The following LRFN5 variants were observed in gnomAD, a reference collection of about 807,000 sequenced individuals.
LRFN5 encodes leucine-rich repeat and fibronectin type-III domain-containing protein 5.
A neutral mutation model predicts 45.6 loss-of-function variants in LRFN5; 24 were observed. The ratio of observed to expected loss-of-function variants is 0.53; its 90% CI spans 0.38 to 0.74. The LOEUF is 0.74. LRFN5 is among the 30% of genes least tolerant of loss of function. The probability of loss-of-function intolerance (pLI) is 0.00; values close to 1 mark genes in which losing one functional copy is unlikely to be tolerated. For synonymous variants in LRFN5, 340 were observed against 313.8 expected (o/e 1.08, Z -0.88); for missense variants, 776 against 861.5 (o/e 0.90, Z 1.24).
intron 2 of LRFN5, among the ~76,000 whole-genome samples, chr14:41,847,595 T>A (rs1361422603): frequency 6.6e-6 from 1 of 152,116 alleles, no homozygotes; most frequent in African/African-American, 2.4e-5. Flanking sequence ...CACTATATTT[T>A]AATCGTTTGA....
In LRFN5 at chr14:41,637,324, A is replaced by G. The variant is rs536521647; in HGVS notation, c.-197+28762A>G. On this transcript the variant is annotated intron_variant, in intron 1 of 5. Coordinates refer to ENST00000298119, the MANE Select transcript of LRFN5 (RefSeq NM_152447.5). ...CCAATTACATGGTTTTCAGCTTGGTATGTTCAAATATATCATTTTAATTTA... is the reference window on the plus strand; with the variant it reads ...CCAATTACATGGTTTTCAGCTTGGTGTGTTCAAATATATCATTTTAATTTA... Among the ~76,000 whole-genome samples, 23 of 152,216 alleles carry G rather than the reference A, an allele frequency of 1.5e-4. No individual in the cohort carries two copies. In the South Asian group the frequency reaches 4.8e-3, roughly 32 times the overall value.
At chr14:41,791,463 A>G (rs142821502) in intron 2 of LRFN5, among the ~76,000 whole-genome samples, 4 of 152,048 alleles carry the variant, frequency 2.6e-5, no homozygotes, top group African/African-American at 9.7e-5. Flanking sequence ...AATAGGCAGT[A>G]ATAGGTAACA....
intron 2 of LRFN5, 93 bp from the exon 3 acceptor site, chr14:41,886,508 CTCTAT>C: frequency 1.2e-6 from 1 of 806,052 alleles, no homozygotes; most frequent in Middle Eastern, 3.7e-4. Context: ...GAAATTATTT[CTCTAT>C]TCTAGATTGC....
At chr14:41,778,569 T>C (rs1212837908) in intron 2 of LRFN5, among the ~76,000 whole-genome samples, 1 of 151,762 alleles carries the variant, frequency 6.6e-6, no homozygotes, top group Non-Finnish European at 1.5e-5. Flanking sequence ...TATTGTGCTA[T>C]TATTTTTGTA....
chr14:41,687,472 C>A (rs1882172669), intron 1 of LRFN5, among the ~76,000 whole-genome samples: 2 of 152,184 alleles, frequency 1.3e-5, no homozygotes, highest in African/African-American at 2.4e-5. Flanking sequence ...TTTGATCCAG[C>A]AATCTCATTA....
At chr14:41,738,938 A>C (rs1884567298) in intron 1 of LRFN5, among the ~76,000 whole-genome samples, 1 of 152,248 alleles carries the variant, frequency 6.6e-6, no homozygotes. Flanking sequence ...TTCATCTAAC[A>C]GCAGTGAAAT....
In LRFN5 at chr14:41,715,627, C is replaced by T. The variant is rs138461740; in HGVS notation, c.-196-51227C>T. 1.8e-3 allele frequency among the ~76,000 whole-genome samples: 279 copies of T among 152,298 alleles called. 1 individual carries two copies. Among genetic ancestry groups the T allele is most frequent in the African/African-American group, 5.7e-3 (236 of 41,564 alleles). ...TTATAAGGAAAATAAGTTTATTCAG[C>T]TCACATTTCTGGAGGTTGGGAAGTA... is the stretch of plus-strand genomic sequence containing the variant. On this transcript the variant is annotated intron_variant, in intron 1 of 5. Coordinates refer to ENST00000298119, the MANE Select transcript of LRFN5 (RefSeq NM_152447.5).
intron 2 of LRFN5, among the ~76,000 whole-genome samples, chr14:41,800,899 G>GA (rs1417343193): frequency 6.6e-6 from 1 of 151,826 alleles, no homozygotes; most frequent in African/African-American, 2.4e-5. Flanking sequence ...GGGCCATCAA[G>GA]AAAAATATGT....
chr14:41,807,557 G>A (rs1005292890), intron 2 of LRFN5, among the ~76,000 whole-genome samples: 1 of 152,108 alleles, frequency 6.6e-6, no homozygotes, highest in Non-Finnish European at 1.5e-5. Flanking sequence ...TGAAATCTGA[G>A]TAAATGAGAT....
chr14:41,850,010 A>G (rs1349890871), intron 2 of LRFN5, among the ~76,000 whole-genome samples: 4 of 151,904 alleles, frequency 2.6e-5, no homozygotes, highest in Non-Finnish European at 5.9e-5. Context: ...AAGGGTTAGA[A>G]TAGAAACAAT....
chr14:41,825,954 C>T (rs892067727), intron 2 of LRFN5, among the ~76,000 whole-genome samples: 4 of 152,196 alleles, frequency 2.6e-5, no homozygotes, highest in Admixed American at 6.5e-5. Context: ...CTTCAGTGTT[C>T]CTTCTCTGCT....
chr14:41,649,522 G>T (rs574236420), intron 1 of LRFN5, among the ~76,000 whole-genome samples: 1 of 152,122 alleles, frequency 6.6e-6, no homozygotes, highest in South Asian at 2.1e-4. Context: ...CTTGAGTCAG[G>T]CTTCTGAATC....
intron 1 of LRFN5, among the ~76,000 whole-genome samples, chr14:41,705,613 TTTC>T (rs1263517028): frequency 3.9e-5 from 6 of 152,116 alleles, no homozygotes; most frequent in Non-Finnish European, 5.9e-5. Context: ...TTCTTTTCTT[TTTC>T]TTCTTTGTCC....
chr14:41,699,824 A>G (rs1882764710), intron 1 of LRFN5: 1 of 152,254 alleles, frequency 6.6e-6, no homozygotes, highest in Admixed American at 6.5e-5. Context: ...ACTGAAGGAA[A>G]TACAATAACA....
chr14:41,835,965 C>G (rs962386498), intron 2 of LRFN5, among the ~76,000 whole-genome samples: 1 of 148,908 alleles, frequency 6.7e-6, no homozygotes, highest in African/African-American at 2.5e-5. Context: ...ATGTGGCTTT[C>G]AATTATCCTC....
intron 1 of LRFN5, among the ~76,000 whole-genome samples, chr14:41,752,019 G>GT (rs1324926027): frequency 1.3e-5 from 2 of 152,012 alleles, no homozygotes; most frequent in Admixed American, 6.6e-5. Flanking sequence ...GCAGTGTTTG[G>GT]TTTTTTGTCC....
chr14:41,883,082 C>A (rs572665603), intron 2 of LRFN5, among the ~76,000 whole-genome samples: 2 of 151,908 alleles, frequency 1.3e-5, no homozygotes, highest in East Asian at 3.9e-4. Context: ...CTCCTGACCA[C>A]GTAATCTGTC....
chr14:41,804,557 G>A (rs1887453164), intron 2 of LRFN5, among the ~76,000 whole-genome samples: 1 of 152,050 alleles, frequency 6.6e-6, no homozygotes, highest in African/African-American at 2.4e-5. Flanking sequence ...TCCTAACCTG[G>A]TGGTCTTTCA....
chr14:41,894,765 T>G (rs1890886357), intron 4 of LRFN5: 1 of 983,336 alleles, frequency 1.0e-6, no homozygotes, highest in Non-Finnish European at 1.2e-6. Context: ...GAGTAAGGTG[T>G]GGAAATAAGA....
Sources: gnomAD v4.1 joint callset for allele counts (sites outside exome capture counted in the v4.1 genomes callset) on GRCh38, gnomAD v4.1.1 for gene constraint, MANE v1.5 for transcripts, NCBI Gene and HGNC (gene_info 2026-07-23, HGNC 2026-07-21) for gene names.